Variants in KLHL4 observed in about 807,000 individuals in gnomAD.
KLHL4 encodes the protein kelch-like protein 4.
A neutral mutation model predicts 45.8 loss-of-function variants in KLHL4; 17 were observed. The observed-to-expected ratio is 0.37, with a 90% confidence interval of 0.25 to 0.56. The LOEUF is 0.56. Ranked by LOEUF, KLHL4 falls within the 20% of genes least tolerant of loss-of-function variation. The pLI, the probability that KLHL4 is intolerant of heterozygous loss-of-function variation, is 0.79. For synonymous variants in KLHL4, 224 were observed against 189.9 expected, an observed-to-expected ratio of 1.18 and a Z score of -1.47; for missense variants, 544 against 544.9, an observed-to-expected ratio of 1.00 and a Z score of 0.02.
At chrX:87,635,981 C>T (rs1923252681) in intron 9 of KLHL4, among the ~76,000 whole-genome samples, 1 of 111,437 alleles carries the variant, frequency 9.0e-6, no homozygotes, top group Non-Finnish European at 1.9e-5. Context: ...GTTCTAGGCT[C>T]TTTCAAATAT....
intron 9 of KLHL4, among the ~76,000 whole-genome samples, chrX:87,652,231 G>A (rs2147837027): frequency 8.9e-6 from 1 of 112,351 alleles, no homozygotes; most frequent in South Asian, 3.7e-4. Context: ...GCCTGTGATG[G>A]GAGGGGCTGC....
chrX:87,518,725 G>A (rs1177422090), intron 1 of KLHL4, among the ~76,000 whole-genome samples: 1 of 111,721 alleles, frequency 9.0e-6, no homozygotes, highest in Admixed American at 9.6e-5. Context: ...TAAAAGCTGT[G>A]ACTGATCAGC....
chrX:87,521,182 A>T (rs1486627420), intron 1 of KLHL4, among the ~76,000 whole-genome samples: 8 of 111,565 alleles, frequency 7.2e-5, no homozygotes, highest in Non-Finnish European at 1.5e-4. Context: ...CTGATATGTG[A>T]CTTTAAATAT....
At chrX:87,555,000 G>C (rs1484030109) in intron 1 of KLHL4, among the ~76,000 whole-genome samples, 5 of 104,929 alleles carry the variant, frequency 4.8e-5, no homozygotes, top group Non-Finnish European at 9.7e-5. Context: ...CTTTGGTTCT[G>C]TTTATATGCT....
intron 1 of KLHL4, among the ~76,000 whole-genome samples, chrX:87,548,933 A>G (rs1931747119): frequency 9.1e-6 from 1 of 109,931 alleles, no homozygotes; most frequent in African/African-American, 3.3e-5. Flanking sequence ...CAATAATAAC[A>G]TTGAATGTAA....
rs772864350 is a variant in KLHL4, at chrX:87,614,496, C to T, written c.653C>T (p.Ala218Val). The change falls in exon 3 of 11, where the codon GCC becomes GTC. Residue 218 changes from alanine (A) to valine (V), a missense_variant. By Grantham distance (64) the Ala-to-Val change is moderately conservative. Coordinates refer to ENST00000373119, the MANE Select transcript of KLHL4 (RefSeq NM_019117.5). Reference sequence around the variant, plus strand: ...ATGTTTACTAATGATGTGCTTGAAGCCAAACAAGAAGAGGTCAGGATGGAA... The same window carrying T: ...ATGTTTACTAATGATGTGCTTGAAGTCAAACAAGAAGAGGTCAGGATGGAA... ...AAMFTNDVLEAKQEEVRMEGV... is the reference protein window; with the variant it reads ...AAMFTNDVLEVKQEEVRMEGV... 5.0e-6 allele frequency: 6 copies of T among 1,206,430 alleles called. No individual in the cohort carries two copies. In the East Asian group the frequency reaches 1.8e-4, roughly 36 times the overall value.
At chrX:87,605,120 T>C (rs1022800645) in intron 1 of KLHL4, among the ~76,000 whole-genome samples, 10 of 111,667 alleles carry the variant, frequency 9.0e-5, no homozygotes, top group African/African-American at 3.2e-4. Context: ...CCGTTATTCC[T>C]TGTGCCTGTT....
rs1448925900 is a variant in KLHL4, at chrX:87,656,427, CT to C, written c.1926-8336del. Reference sequence around the variant, plus strand: ...GTCTGACTGGATAAATTAAAAAGTACTGTCTTCAAGCTCTGAGATTCTTTCT... The same window carrying C: ...GTCTGACTGGATAAATTAAAAAGTACGTCTTCAAGCTCTGAGATTCTTTCT... On this transcript the variant is annotated intron_variant, in intron 9 of 10. Transcript: ENST00000373119. Among the ~76,000 whole-genome samples the C allele has an allele frequency of 6.4e-5, 7 of 108,998 alleles. No individual in the cohort carries two copies. In the Admixed American group the frequency reaches 7.0e-4, roughly 11 times the overall value. 94.7% of individuals were successfully genotyped at this position (108,998 alleles called of 115,157 possible).
At chrX:87,546,432 T>C (rs1285543545) in intron 1 of KLHL4, among the ~76,000 whole-genome samples, 1 of 111,822 alleles carries the variant, frequency 8.9e-6, no homozygotes, top group East Asian at 2.8e-4. Context: ...TTTAGTAACC[T>C]CCACCTAGAT....
chrX:87,560,945 C>T (rs1389889925), intron 1 of KLHL4, among the ~76,000 whole-genome samples: 2 of 110,552 alleles, frequency 1.8e-5, no homozygotes, highest in Admixed American at 1.9e-4. Flanking sequence ...ACTAGATATC[C>T]ACATGCAGAA....
At chrX:87,526,285 G>C (rs1483910891) in intron 1 of KLHL4, among the ~76,000 whole-genome samples, 1 of 111,854 alleles carries the variant, frequency 8.9e-6, no homozygotes, top group Non-Finnish European at 1.9e-5. Context: ...TTAAGATGTT[G>C]GTTTTCTATT....
At chrX:87,601,345 C>T in intron 1 of KLHL4, among the ~76,000 whole-genome samples, 1 of 111,486 alleles carries the variant, frequency 9.0e-6, no homozygotes, top group East Asian at 2.8e-4. Context: ...TTCTTCTCCC[C>T]AGATTCTTTC....
At chrX:87,627,960 C>A (rs901137897) in intron 6 of KLHL4, among the ~76,000 whole-genome samples, 36 of 110,917 alleles carry the variant, frequency 3.2e-4, no homozygotes, top group Admixed American at 2.1e-3. Flanking sequence ...TTATCAGTCT[C>A]TAAAAATGAG....
At chrX:87,601,165 G>A (rs1922005047) in intron 1 of KLHL4, among the ~76,000 whole-genome samples, 1 of 111,909 alleles carries the variant, frequency 8.9e-6, no homozygotes, top group South Asian at 3.7e-4. Flanking sequence ...AGAGACTAAG[G>A]CAAGTTTTAG....
intron 1 of KLHL4, among the ~76,000 whole-genome samples, chrX:87,550,314 A>C (rs1931783104): frequency 9.0e-6 from 1 of 111,068 alleles, no homozygotes; most frequent in Admixed American, 9.7e-5. Context: ...AGGAAGAATT[A>C]GATACTCTGA....
chrX:87,570,310 G>T (rs893169319), intron 1 of KLHL4, among the ~76,000 whole-genome samples: 1 of 110,637 alleles, frequency 9.0e-6, no homozygotes, highest in African/African-American at 3.3e-5. Flanking sequence ...TCAGGTATCT[G>T]TAGTGGCCAG....
chrX:87,658,421 C>T (rs758998993), intron 9 of KLHL4, among the ~76,000 whole-genome samples: 1 of 111,503 alleles, frequency 9.0e-6, no homozygotes, highest in East Asian at 2.8e-4. Context: ...TCTATTGGAG[C>T]CAGGGTCTGG....
intron 1 of KLHL4, among the ~76,000 whole-genome samples, chrX:87,594,045 C>A (rs754342841): frequency 4.2e-4 from 47 of 110,894 alleles, no homozygotes; most frequent in Admixed American, 1.4e-3. Context: ...TCTCTGACAC[C>A]AAAAGAATAG....
At chrX:87,533,445 A>G (rs1167851210) in intron 1 of KLHL4, among the ~76,000 whole-genome samples, 2 of 102,068 alleles carry the variant, frequency 2.0e-5, no homozygotes, top group African/African-American at 3.6e-5. Flanking sequence ...TCAGTAAACT[A>G]TCGCAAGGAC....
Sources: allele counts gnomAD v4.1 joint callset (sites outside exome capture counted in the v4.1 genomes callset), GRCh38; gene constraint gnomAD v4.1.1; transcripts MANE v1.5; gene names NCBI Gene and HGNC (gene_info 2026-07-23, HGNC 2026-07-21).